IMMP2L: variants seen among roughly 807,000 people sequenced by gnomAD.
The protein encoded by IMMP2L is inner mitochondrial membrane peptidase subunit 2, also known as mitochondrial inner membrane protease subunit 2.
In IMMP2L, 18 loss-of-function variants were observed where a neutral mutation model predicts 19.3. The ratio of observed to expected loss-of-function variants is 0.93; its 90% CI spans 0.64 to 1.38. IMMP2L has a LOEUF of 1.38. IMMP2L is among the 40% of genes most tolerant of loss of function. The probability of loss-of-function intolerance (pLI) is 0.00; values close to 1 mark genes in which losing one functional copy is unlikely to be tolerated. For missense variants in IMMP2L, 233 were observed against 218.2 expected (o/e 1.07, Z -0.43); for synonymous variants, 76 against 73.0 (o/e 1.04, Z -0.21).
Position 110,803,501 on chromosome 7 carries a change from C to T in IMMP2L, c.408+83092G>A, listed in dbSNP as rs1247795525. Among the ~76,000 whole-genome samples, 3 of 152,004 alleles carry T rather than the reference C, an allele frequency of 2.0e-5. No individual in the cohort carries two copies. The East Asian group carries it at 5.8e-4, about 29-fold the overall frequency. On this transcript the variant is annotated intron_variant, in intron 5 of 5. Coordinates refer to ENST00000405709, the MANE Select transcript of IMMP2L (RefSeq NM_032549.4). The surrounding 1 kb of genome is among the most constrained non-coding windows in gnomAD (Gnocchi z 4.2). Reference sequence around the variant, plus strand: ...GGAATCAATGGGATCAATGTGTACACAGGGAGAAGGAGAAAGGAGAATGAG... The same window carrying T: ...GGAATCAATGGGATCAATGTGTACATAGGGAGAAGGAGAAAGGAGAATGAG...
At chr7:111,013,577 G>A (rs1168805787) in intron 3 of IMMP2L, among the ~76,000 whole-genome samples, 1 of 152,004 alleles carries the variant, frequency 6.6e-6, no homozygotes. Context: ...ACAGAAGGAG[G>A]AGAAGAGGAG....
intron 1 of IMMP2L, 124 bp from the exon 2 acceptor site, chr7:111,521,573 A>T: frequency 1.4e-6 from 1 of 710,286 alleles, no homozygotes; most frequent in Non-Finnish European, 2.2e-6. Flanking sequence ...TATATTACAC[A>T]CTCATTCCTG....
At chr7:111,299,238 A>T (rs1341914637) in intron 3 of IMMP2L, among the ~76,000 whole-genome samples, 1 of 152,180 alleles carries the variant, frequency 6.6e-6, no homozygotes, top group Admixed American at 6.6e-5. Context: ...CATAAGTAGG[A>T]TATTATAACA....
chr7:110,773,787 G>A (rs1013533351), intron 5 of IMMP2L, among the ~76,000 whole-genome samples: 3 of 151,462 alleles, frequency 2.0e-5, no homozygotes, highest in East Asian at 3.9e-4. Context: ...CTGTCCAGGA[G>A]GGCAATTAGG....
intron 3 of IMMP2L, among the ~76,000 whole-genome samples, chr7:111,367,334 C>T (rs139040352): frequency 1.8e-4 from 27 of 151,836 alleles, no homozygotes; most frequent in African/African-American, 5.1e-4. Flanking sequence ...AAAGGACATA[C>T]GCTAATAGGT....
At chr7:110,982,508 G>C (rs1037417968) in intron 3 of IMMP2L, among the ~76,000 whole-genome samples, 8 of 152,074 alleles carry the variant, frequency 5.3e-5, no homozygotes, top group African/African-American at 1.9e-4. Flanking sequence ...GTATTGAATA[G>C]GCATGAAGAC....
At chr7:111,074,467 T>C (rs945349581) in intron 3 of IMMP2L, among the ~76,000 whole-genome samples, 1 of 152,262 alleles carries the variant, frequency 6.6e-6, no homozygotes, top group African/African-American at 2.4e-5. Flanking sequence ...CTTGGTCCTA[T>C]GTAAAATACA....
intron 3 of IMMP2L, among the ~76,000 whole-genome samples, chr7:111,243,011 T>C (rs1412964647): frequency 6.6e-6 from 1 of 152,138 alleles, no homozygotes; most frequent in Non-Finnish European, 1.5e-5. Context: ...TTTTCTGTCA[T>C]ATCACAAATC....
intron 5 of IMMP2L, among the ~76,000 whole-genome samples, chr7:110,730,721 T>G (rs1233039228): frequency 6.6e-6 from 1 of 152,048 alleles, no homozygotes; most frequent in Non-Finnish European, 1.5e-5. Flanking sequence ...GAGACGGGGT[T>G]TCACCGTTTT....
intron 2 of IMMP2L, among the ~76,000 whole-genome samples, chr7:111,498,072 C>CGG (rs1843763577): frequency 6.6e-6 from 1 of 151,804 alleles, no homozygotes; most frequent in Non-Finnish European, 1.5e-5. Context: ...ATTTTTATAT[C>CGG]CTCTTATTAC....
At chr7:110,736,099 A>T (rs927631182) in intron 5 of IMMP2L, among the ~76,000 whole-genome samples, 1 of 152,142 alleles carries the variant, frequency 6.6e-6, no homozygotes, top group African/African-American at 2.4e-5. Context: ...CTGTGGCTCA[A>T]GTAGGCCCAG....
At chr7:110,862,235 T>A (rs1211378867) in intron 5 of IMMP2L, among the ~76,000 whole-genome samples, 1 of 151,836 alleles carries the variant, frequency 6.6e-6, no homozygotes, top group African/African-American at 2.4e-5. Flanking sequence ...ATATTTTATT[T>A]ATTTTTTTTT....
chr7:110,882,587 G>T (rs10241574), intron 5 of IMMP2L, among the ~76,000 whole-genome samples: 1 of 151,730 alleles, frequency 6.6e-6, no homozygotes, highest in African/African-American at 2.4e-5. Flanking sequence ...CACCATGTTG[G>T]TCAGGCTGGT....
At chr7:110,793,356 G>A (rs1189192183) in intron 5 of IMMP2L, among the ~76,000 whole-genome samples, 1 of 151,474 alleles carries the variant, frequency 6.6e-6, no homozygotes, top group Admixed American at 6.6e-5. Context: ...GGAGGTGGGG[G>A]TTACAGTGAG....
chr7:111,078,745 A>C (rs1329908381), intron 3 of IMMP2L, among the ~76,000 whole-genome samples: 1 of 151,778 alleles, frequency 6.6e-6, no homozygotes, highest in Non-Finnish European at 1.5e-5. Context: ...TTATTTATTT[A>C]TTTAAGATGG....
At chr7:111,404,806 C>G (rs916527161) in intron 3 of IMMP2L, among the ~76,000 whole-genome samples, 5 of 151,980 alleles carry the variant, frequency 3.3e-5, no homozygotes, top group African/African-American at 1.2e-4. Context: ...CAGTGACCTA[C>G]AGTAATGTGA....
At chr7:111,268,948 T>C (rs968005290) in intron 3 of IMMP2L, among the ~76,000 whole-genome samples, 2 of 152,036 alleles carry the variant, frequency 1.3e-5, no homozygotes, top group African/African-American at 2.4e-5. Flanking sequence ...CCTTGGTAAA[T>C]TGGAGGCATC....
rs190970482 is a variant in IMMP2L, at chr7:111,467,148, C to T, written c.239+20090G>A. 3.7e-3 allele frequency among the ~76,000 whole-genome samples: 560 copies of T among 152,236 alleles called. 5 individuals carry two copies. Among genetic ancestry groups the T allele is most frequent in the African/African-American group, 0.012 (509 of 41,550 alleles). ...AAGCACAGCCCCTGAGGCGAGAAGG[C>T]CCTGGTGTAAATCCTCACCCCAGCA... On this transcript the variant is annotated intron_variant, in intron 3 of 5. Coordinates refer to ENST00000405709, the MANE Select transcript of IMMP2L (RefSeq NM_032549.4).
At chr7:111,290,827 AACAC>A (rs541375499) in intron 3 of IMMP2L, among the ~76,000 whole-genome samples, 172 of 135,056 alleles carry the variant, frequency 1.3e-3, no homozygotes, top group South Asian at 6.0e-3. Flanking sequence ...TATATATACA[AACAC>A]ACACACACAC....
Sources: allele counts gnomAD v4.1 joint callset (sites outside exome capture counted in the v4.1 genomes callset), GRCh38; gene constraint gnomAD v4.1.1; non-coding constraint Gnocchi (gnomAD v3.1); transcripts MANE v1.5; gene names NCBI Gene and HGNC (gene_info 2026-07-23, HGNC 2026-07-21).